Variants in KCNMA1 observed in about 807,000 individuals in gnomAD.
KCNMA1 encodes the protein Calcium-activated potassium channel subunit alpha-1.
In KCNMA1, 29 loss-of-function variants were observed where a neutral mutation model predicts 140.0. The ratio of observed to expected loss-of-function variants is 0.21; its 90% CI spans 0.15 to 0.28. The LOEUF (loss-of-function observed/expected upper bound fraction) is 0.28, where lower values mean the gene tolerates loss of function less well. Among genes scored for constraint, KCNMA1 ranks in the 10% least tolerant of loss-of-function variants. The probability of loss-of-function intolerance (pLI) is 1.00; values close to 1 mark genes in which losing one functional copy is unlikely to be tolerated. For missense variants in KCNMA1, 880 were observed against 1,602.2 expected, an observed-to-expected ratio of 0.55 and a Z score of 7.70; for synonymous variants, 612 against 611.9, an observed-to-expected ratio of 1.00 and a Z score of 0.00.
At chr10:77,473,646 G>A (rs1051653003) in intron 1 of KCNMA1, among the ~76,000 whole-genome samples, 74 of 152,152 alleles carry the variant, frequency 4.9e-4, no homozygotes, top group African/African-American at 1.7e-3. Context: ...TGGGACACTG[G>A]AGCAGGGGGA....
At chr10:77,171,400 C>CGTGTGTGT (rs60927086) in intron 5 of KCNMA1, among the ~76,000 whole-genome samples, 1,361 of 128,988 alleles carry the variant, frequency 0.011, 11 homozygotes, top group African/African-American at 0.023. Flanking sequence ...TGTGTGTGTG[C>CGTGTGTGT]GTGTGTGTGT....
intron 5 of KCNMA1, chr10:77,147,591 C>T (rs556018495): frequency 2.0e-5 from 3 of 152,356 alleles, no homozygotes; most frequent in Admixed American, 1.3e-4. Context: ...CCCAGAACCC[C>T]ATGCAGGACA....
chr10:77,122,061 C>T (rs1001081483), intron 5 of KCNMA1, among the ~76,000 whole-genome samples: 8 of 152,190 alleles, frequency 5.3e-5, no homozygotes, highest in East Asian at 1.9e-4. Flanking sequence ...GACAACTCCA[C>T]GCCCGTGGGT....
At chr10:76,915,846 G>C (rs117889870) in intron 23 of KCNMA1, among the ~76,000 whole-genome samples, 1 of 152,014 alleles carries the variant, frequency 6.6e-6, no homozygotes, top group Non-Finnish European at 1.5e-5. Flanking sequence ...TACTGAGCAC[G>C]GTTTTATGTG....
intron 2 of KCNMA1, among the ~76,000 whole-genome samples, chr10:77,329,011 T>G (rs2085297485): frequency 2.6e-5 from 4 of 152,044 alleles, no homozygotes; most frequent in Admixed American, 6.6e-5. Context: ...CGGCTAATTT[T>G]TTGTATTTTT....
intron 2 of KCNMA1, among the ~76,000 whole-genome samples, chr10:77,260,039 G>A (rs929674033): frequency 6.6e-6 from 1 of 152,228 alleles, no homozygotes; most frequent in Non-Finnish European, 1.5e-5. Context: ...TACCCTCACT[G>A]AGTGAGACCC....
At chr10:77,620,568 T>A (rs2091056396) in intron 1 of KCNMA1, among the ~76,000 whole-genome samples, 1 of 152,154 alleles carries the variant, frequency 6.6e-6, no homozygotes. Flanking sequence ...TCTTGTATCA[T>A]GTCAGGAGCT....
At chr10:77,325,245 C>T (rs2083738089) in intron 2 of KCNMA1, among the ~76,000 whole-genome samples, 1 of 152,186 alleles carries the variant, frequency 6.6e-6, no homozygotes, top group African/African-American at 2.4e-5. Flanking sequence ...CCAGCTGTGC[C>T]TCTCCCCTCC....
At chr10:77,385,233 T>G (rs2095560293) in intron 2 of KCNMA1, among the ~76,000 whole-genome samples, 1 of 152,156 alleles carries the variant, frequency 6.6e-6, no homozygotes, top group South Asian at 2.1e-4. Context: ...ATTTCTTCTC[T>G]CTCTCTCTCT....
chr10:77,239,036 G>A (rs1027130507), intron 3 of KCNMA1, among the ~76,000 whole-genome samples: 2 of 152,116 alleles, frequency 1.3e-5, no homozygotes, highest in East Asian at 3.8e-4. Flanking sequence ...CACCCTCCTT[G>A]TCTACTCCTC....
intron 1 of KCNMA1, chr10:77,587,156 G>C (rs1020441262): frequency 6.6e-6 from 1 of 152,124 alleles, no homozygotes; most frequent in African/African-American, 2.4e-5. Flanking sequence ...TTGCACAACA[G>C]TTCTAAACAA....
intron 2 of KCNMA1, among the ~76,000 whole-genome samples, chr10:77,259,299 C>T (rs1439299156): frequency 6.6e-6 from 1 of 152,130 alleles, no homozygotes; most frequent in Non-Finnish European, 1.5e-5. Context: ...AAGAGTAAAA[C>T]TGATTTGTTC....
intron 9 of KCNMA1, among the ~76,000 whole-genome samples, chr10:77,093,448 G>A (rs922999650): frequency 4.6e-5 from 7 of 152,142 alleles, no homozygotes; most frequent in African/African-American, 1.7e-4. Flanking sequence ...TTTCCATACA[G>A]TGAAAGTTAT....
chr10:77,402,786 G>A (rs772173569), intron 2 of KCNMA1, among the ~76,000 whole-genome samples: 6 of 152,076 alleles, frequency 3.9e-5, no homozygotes, highest in Non-Finnish European at 8.8e-5. Context: ...TTTGAGCCTC[G>A]CAGGCCTCAG....
chr10:77,185,785 A>G (rs933560153), intron 3 of KCNMA1, among the ~76,000 whole-genome samples: 1 of 152,068 alleles, frequency 6.6e-6, no homozygotes, highest in Admixed American at 6.6e-5. Context: ...GGAAAGTCCC[A>G]AGGTTTGGGC....
chr10:77,389,340 G>A (rs75189453), intron 2 of KCNMA1, among the ~76,000 whole-genome samples: 3,940 of 152,212 alleles, frequency 0.026, 159 homozygotes, highest in African/African-American at 0.09. Flanking sequence ...GGGGGCCTCC[G>A]GCAGTCATTA....
At chr10:76,897,165 G>A (rs537818912) in intron 25 of KCNMA1, among the ~76,000 whole-genome samples, 1 of 151,868 alleles carries the variant, frequency 6.6e-6, no homozygotes, top group Non-Finnish European at 1.5e-5. Context: ...GACAACAAAG[G>A]TCAAGTGATA....
intron 2 of KCNMA1, among the ~76,000 whole-genome samples, chr10:77,320,271 G>T (rs776062667): frequency 1.8e-4 from 27 of 151,490 alleles, no homozygotes; most frequent in Non-Finnish European, 3.5e-4. Flanking sequence ...GCATGAAAAA[G>T]GTAAGTGTCA....
downstream of KCNMA1, chr10:76,877,643 C>G (rs1019060298): frequency 8.3e-7 from 1 of 1,204,036 alleles, no homozygotes; most frequent in African/African-American, 1.5e-5. Context: ...CTTATCCTAA[C>G]GTTTCCACCA....
Sources: allele counts gnomAD v4.1 joint callset (sites outside exome capture counted in the v4.1 genomes callset), GRCh38; gene constraint gnomAD v4.1.1; transcripts MANE v1.5; gene names NCBI Gene and HGNC (gene_info 2026-07-23, HGNC 2026-07-21).